The following TMEM44 variants were observed in gnomAD, a reference collection of about 807,000 sequenced individuals.
The protein encoded by TMEM44 is transmembrane protein 44.
Under a neutral mutation model 47.8 loss-of-function variants are expected in TMEM44, and 43 were observed. That is an observed-to-expected ratio of 0.90 (90% CI 0.70 to 1.16). The LOEUF is 1.16. TMEM44 is among the 50% of genes most tolerant of loss of function. The pLI is 0.00. For missense variants in TMEM44, 568 were observed against 555.2 expected, an observed-to-expected ratio of 1.02 and a Z score of -0.23; for synonymous variants, 277 against 238.8, an observed-to-expected ratio of 1.16 and a Z score of -1.48.
At chr3:194,596,668 G>A (rs889871309) in intron 9 of TMEM44, among the ~76,000 whole-genome samples, 1 of 152,146 alleles carries the variant, frequency 6.6e-6, no homozygotes, top group South Asian at 2.1e-4. Context: ...GCGCATGCCT[G>A]TAATCTCAGC....
chr3:194,601,308 T>C (rs1714085734), intron 9 of TMEM44, among the ~76,000 whole-genome samples: 1 of 151,364 alleles, frequency 6.6e-6, no homozygotes, highest in Admixed American at 6.6e-5. Context: ...TGGCTAATTT[T>C]CTTTTTTTTT....
At position 194,623,369 on chromosome 3, in the gene TMEM44, C is replaced by T. The variant is rs73085031; in HGVS notation, c.526-59G>A. The T allele has an allele frequency of 3.5e-3, 5,444 of 1,539,130 alleles. 170 individuals carry two copies. The African/African-American group carries it at 0.065, about 19-fold the overall frequency. On this transcript the variant is annotated intron_variant, in intron 4 of 9. Transcript: ENST00000347147. Reference sequence around the variant, plus strand: ...CTCTGCAGAGACTGCCCATGTGCCCCAAGAAACAGCCAAAGCTCAGGAGTC... The same window carrying T: ...CTCTGCAGAGACTGCCCATGTGCCCTAAGAAACAGCCAAAGCTCAGGAGTC...
At position 194,601,997 on chromosome 3, in the gene TMEM44, T is replaced by G. The variant is rs55924224; in HGVS notation, c.1176+2290A>C. On this transcript the variant is annotated intron_variant, in intron 9 of 9. Transcript: ENST00000347147. ...CCTGAGTCACCAACTTCACTGTCCCTGCTCACTGAATGCACTCTGCCATCA... is the reference window on the plus strand; with the variant it reads ...CCTGAGTCACCAACTTCACTGTCCCGGCTCACTGAATGCACTCTGCCATCA... 6.3e-3 allele frequency among the ~76,000 whole-genome samples: 952 copies of G among 152,318 alleles called. 4 individuals are homozygous for G. Among genetic ancestry groups the G allele is most frequent in the Non-Finnish European group, 8.6e-3 (588 of 68,030 alleles).
intron 9 of TMEM44, among the ~76,000 whole-genome samples, chr3:194,595,267 A>G (rs1261704456): frequency 6.6e-6 from 1 of 152,054 alleles, no homozygotes; most frequent in Non-Finnish European, 1.5e-5. Context: ...ACCTCCTCAA[A>G]CCACTGCATA....
intron 3 of TMEM44, 103 bp downstream of exon 3, chr3:194,625,794 G>A (rs1184242661): frequency 8.6e-6 from 9 of 1,042,740 alleles, no homozygotes; most frequent in Non-Finnish European, 1.3e-5. Context: ...TCCTTTGTTT[G>A]TGCCTGGCTG....
At chr3:194,615,427 C>T (rs749849313) in intron 7 of TMEM44, 142 bp downstream of exon 7, 18 of 1,195,546 alleles carry the variant, frequency 1.5e-5, no homozygotes, top group Non-Finnish European at 2.0e-5. Context: ...CTCAGCGAGA[C>T]AGGACAGCTG....
intron 9 of TMEM44, among the ~76,000 whole-genome samples, chr3:194,603,987 G>A (rs1441700255): frequency 1.3e-5 from 2 of 152,112 alleles, no homozygotes; most frequent in East Asian, 3.9e-4. Flanking sequence ...CTGGGTAGCT[G>A]GGATAACAGG....
intron 5 of TMEM44, among the ~76,000 whole-genome samples, chr3:194,622,321 A>G (rs1360668866): frequency 6.6e-6 from 1 of 152,154 alleles, no homozygotes; most frequent in African/African-American, 2.4e-5. Flanking sequence ...ACCCTTGCTC[A>G]TTTGAAGAGC....
chr3:194,590,908 T>C (rs1381446957), intron 9 of TMEM44, among the ~76,000 whole-genome samples: 1 of 152,132 alleles, frequency 6.6e-6, no homozygotes, highest in African/African-American at 2.4e-5. Flanking sequence ...TTTAAACTAG[T>C]ACAGGCCGGG....
intron 9 of TMEM44, chr3:194,593,094 C>A (rs759207332): frequency 2.5e-6 from 4 of 1,612,938 alleles, no homozygotes. Context: ...AAAAGAGAGA[C>A]AGAAAAAGTG....
At chr3:194,620,800 G>A (rs1277794423) in intron 5 of TMEM44, among the ~76,000 whole-genome samples, 2 of 152,080 alleles carry the variant, frequency 1.3e-5, no homozygotes, top group African/African-American at 4.8e-5. Context: ...GCCAAGGCGG[G>A]CAGATCACTT....
At chr3:194,606,952 C>CAAAA (rs561876150) in intron 8 of TMEM44, among the ~76,000 whole-genome samples, 1 of 111,786 alleles carries the variant, frequency 8.9e-6, no homozygotes, top group Non-Finnish European at 1.8e-5. Flanking sequence ...GACTCTGCCT[C>CAAAA]AAAAAAAAAA....
Position 194,604,283 on chromosome 3 carries a change from G to A in TMEM44, c.1176+4C>T, listed in dbSNP as rs755169332. The A allele has an allele frequency of 4.4e-6, 7 of 1,576,400 alleles. No individual in the cohort carries two copies. Among genetic ancestry groups the A allele is most frequent in the Non-Finnish European group, 6.0e-6 (7 of 1,161,896 alleles). On this transcript the variant is annotated splice_donor_region_variant and intron_variant, in intron 9 of 9. Coordinates refer to ENST00000347147, the MANE Select transcript of TMEM44 (RefSeq NM_001011655.3). Reference sequence around the variant, plus strand: ...CACCCGCCCAGCAGGCAACAGCCGTGTACCTCCAGGTCGGAGTTGATGGAG... The same window carrying A: ...CACCCGCCCAGCAGGCAACAGCCGTATACCTCCAGGTCGGAGTTGATGGAG...
At chr3:194,628,333 GCCTC>G (rs771050254) in intron 2 of TMEM44, 46 bp downstream of exon 2, 1 of 1,577,080 alleles carries the variant, frequency 6.3e-7, no homozygotes. Context: ...GAAAGGCCAG[GCCTC>G]CCTTAGTGCT....
intron 9 of TMEM44, among the ~76,000 whole-genome samples, chr3:194,595,354 G>A (rs778183838): frequency 2.6e-5 from 4 of 152,150 alleles, no homozygotes; most frequent in Non-Finnish European, 4.4e-5. Context: ...TATAGCCTTT[G>A]TCTATATAGC....
chr3:194,608,265 C>T, intron 8 of TMEM44, among the ~76,000 whole-genome samples: 1 of 152,198 alleles, frequency 6.6e-6, no homozygotes, highest in Admixed American at 6.5e-5. Context: ...GTTCTGTGCA[C>T]CCAGTATACA....
intron 1 of TMEM44, among the ~76,000 whole-genome samples, chr3:194,632,238 T>C (rs1271274087): frequency 6.6e-6 from 1 of 152,228 alleles, no homozygotes; most frequent in Non-Finnish European, 1.5e-5. Flanking sequence ...GGCGTCTTTT[T>C]ATTTGTATTG....
chr3:194,619,773 C>G lies in TMEM44; in HGVS notation c.613-2504G>C, dbSNP rs188576653. 2.6e-3 allele frequency among the ~76,000 whole-genome samples: 391 copies of G among 152,322 alleles called. 1 individual carries two copies. The highest frequency in any genetic ancestry group is 8.8e-3 in the African/African-American group (367 of 41,568). ...AGCTCTCGGCTCTTCCTCCTGGAAC[C>G]AGAGTCACTGAGAGGCAGCAGCAGC... On this transcript the variant is annotated intron_variant, in intron 5 of 9. Transcript: ENST00000347147.
intron 8 of TMEM44, among the ~76,000 whole-genome samples, chr3:194,608,167 C>T (rs139285645): frequency 7.2e-4 from 109 of 152,362 alleles, no homozygotes; most frequent in Admixed American, 1.2e-3. Flanking sequence ...TCCCTCCCTT[C>T]GGAAGGATGG....
Sources: gnomAD v4.1 joint callset for allele counts (sites outside exome capture counted in the v4.1 genomes callset) on GRCh38, gnomAD v4.1.1 for gene constraint, MANE v1.5 for transcripts, NCBI Gene and HGNC (gene_info 2026-07-23, HGNC 2026-07-21) for gene names.